Variants in HAPLN1 observed in about 807,000 individuals in gnomAD.
HAPLN1 encodes the protein Cartilage link protein.
A neutral mutation model predicts 36.5 loss-of-function variants in HAPLN1; 13 were observed. The observed-to-expected ratio is 0.36, with a 90% confidence interval of 0.23 to 0.57. The LOEUF is 0.57. HAPLN1 is among the 20% of genes least tolerant of loss of function. The pLI is 0.83. For synonymous variants in HAPLN1, 202 were observed against 169.8 expected (o/e 1.19, Z -1.48); for missense variants, 407 against 439.7 (o/e 0.93, Z 0.66).
At chr5:83,678,217 T>TCGGGTGTGTGTG (rs1750905164) in intron 1 of HAPLN1, among the ~76,000 whole-genome samples, 1 of 30,962 alleles carries the variant, frequency 3.2e-5, no homozygotes. Context: ...TATCTATAGT[T>TCGGGTGTGTGTG]TGGGTGTGTG....
chr5:83,664,463 A>G (rs775939887), intron 2 of HAPLN1, among the ~76,000 whole-genome samples: 1 of 151,616 alleles, frequency 6.6e-6, no homozygotes, highest in Non-Finnish European at 1.5e-5. Flanking sequence ...GCTCACTGCA[A>G]TCTCCTCCTC....
intron 1 of HAPLN1, among the ~76,000 whole-genome samples, chr5:83,709,197 A>G (rs1434961259): frequency 6.6e-6 from 1 of 152,218 alleles, no homozygotes; most frequent in Non-Finnish European, 1.5e-5. Context: ...ACTCACAGAG[A>G]TATCTGGAAT....
At chr5:83,676,653 G>A (rs979914708) in intron 1 of HAPLN1, among the ~76,000 whole-genome samples, 2 of 152,168 alleles carry the variant, frequency 1.3e-5, no homozygotes, top group Non-Finnish European at 2.9e-5. Context: ...TTTGCATTTT[G>A]TAATCATGCC....
chr5:83,648,521 A>G (rs1749951802), intron 3 of HAPLN1, among the ~76,000 whole-genome samples: 1 of 149,996 alleles, frequency 6.7e-6, no homozygotes, highest in South Asian at 2.1e-4. Flanking sequence ...AGCTTGTAAT[A>G]CAAATAGGAG....
At chr5:83,681,563 T>G (rs1170569234) in intron 1 of HAPLN1, among the ~76,000 whole-genome samples, 2 of 152,004 alleles carry the variant, frequency 1.3e-5, no homozygotes, top group Non-Finnish European at 2.9e-5. Flanking sequence ...AAGGCTGGAG[T>G]GCAGTGGTGA....
At chr5:83,709,112 C>T (rs1448761377) in intron 1 of HAPLN1, among the ~76,000 whole-genome samples, 1 of 152,108 alleles carries the variant, frequency 6.6e-6, no homozygotes, top group Non-Finnish European at 1.5e-5. Context: ...CTCCAGACCT[C>T]CCAAAGTGCT....
chr5:83,703,781 A>G (rs1751564141), intron 1 of HAPLN1, among the ~76,000 whole-genome samples: 1 of 152,108 alleles, frequency 6.6e-6, no homozygotes, highest in Non-Finnish European at 1.5e-5. Context: ...ATTTCAGGAT[A>G]TCATCCTAGA....
At chr5:83,704,014 C>T (rs1751571903) in intron 1 of HAPLN1, among the ~76,000 whole-genome samples, 2 of 151,308 alleles carry the variant, frequency 1.3e-5, no homozygotes, top group South Asian at 4.2e-4. Flanking sequence ...GGGCAGGTCA[C>T]CTAGAAAAGG....
chr5:83,693,233 A>G (rs1228775940), intron 1 of HAPLN1, among the ~76,000 whole-genome samples: 1 of 151,860 alleles, frequency 6.6e-6, no homozygotes, highest in Non-Finnish European at 1.5e-5. Context: ...TGCAGATATG[A>G]GCAGGACTAC....
intron 1 of HAPLN1, among the ~76,000 whole-genome samples, chr5:83,701,912 C>T (rs911426931): frequency 7.0e-6 from 1 of 142,816 alleles, no homozygotes; most frequent in African/African-American, 2.6e-5. Flanking sequence ...GGCGACAGAG[C>T]GAGACTTCGA....
intron 1 of HAPLN1, among the ~76,000 whole-genome samples, chr5:83,718,413 T>C (rs886176000): frequency 6.6e-6 from 1 of 152,184 alleles, no homozygotes; most frequent in Admixed American, 6.5e-5. Context: ...ACAGGGACCA[T>C]GCTTCACACA....
rs766950407 is a variant in HAPLN1 at position 83,652,719 on chromosome 5, G to A, written c.206C>T (p.Ala69Val). ...LPCKFYRDPTAFGSGIHKIRI... is the reference protein window; with the variant it reads ...LPCKFYRDPTVFGSGIHKIRI... ...GATTTTATGGATTCCTGAGCCAAAT[G>A]CTGTAGGGTCTCGATAAAATTTACA... The change falls in exon 3 of 5, where the codon GCA (alanine) becomes GTA (valine). Residue 69 changes from alanine (A) to valine (V), a missense_variant. By Grantham distance (64) the Ala-to-Val change is moderately conservative. Transcript: ENST00000274341. 1 of 1,614,070 alleles carries A rather than the reference G, an allele frequency of 6.2e-7. No homozygotes were observed. The highest frequency in any genetic ancestry group is 2.2e-5 in the East Asian group (1 of 44,872).
At chr5:83,720,041 A>G (rs1177643211) in intron 1 of HAPLN1, among the ~76,000 whole-genome samples, 2 of 152,240 alleles carry the variant, frequency 1.3e-5, no homozygotes, top group Admixed American at 6.5e-5. Context: ...CAACAGTCAC[A>G]TTCAATGGAA....
At chr5:83,660,071 C>T (rs1262935582) in intron 2 of HAPLN1, among the ~76,000 whole-genome samples, 3 of 152,094 alleles carry the variant, frequency 2.0e-5, no homozygotes, top group African/African-American at 7.2e-5. Context: ...TATCAATCTA[C>T]AGCTAAATTG....
chr5:83,701,106 A>T (rs1216866813), intron 1 of HAPLN1, among the ~76,000 whole-genome samples: 1 of 152,198 alleles, frequency 6.6e-6, no homozygotes, highest in Non-Finnish European at 1.5e-5. Context: ...CTGTATATGG[A>T]TTGTAAAGCT....
At chr5:83,684,077 G>C (rs571637544) in intron 1 of HAPLN1, among the ~76,000 whole-genome samples, 1 of 152,048 alleles carries the variant, frequency 6.6e-6, no homozygotes, top group African/African-American at 2.4e-5. Flanking sequence ...GAACATCTGC[G>C]AAGAGACCAG....
chr5:83,678,571 G>C (rs1454645725), intron 1 of HAPLN1, among the ~76,000 whole-genome samples: 2 of 152,138 alleles, frequency 1.3e-5, no homozygotes, highest in Non-Finnish European at 2.9e-5. Context: ...GATGATTTCA[G>C]CAGGACTGGC....
At chr5:83,714,847 G>T (rs1164769679) in intron 1 of HAPLN1, among the ~76,000 whole-genome samples, 1 of 152,232 alleles carries the variant, frequency 6.6e-6, no homozygotes, top group African/African-American at 2.4e-5. Context: ...TGTCATGAAG[G>T]GCTGAGGGGA....
intron 1 of HAPLN1, among the ~76,000 whole-genome samples, chr5:83,705,387 C>CAAAAAAAAAAAAAAAA (rs762927081): frequency 4.7e-5 from 4 of 85,418 alleles, no homozygotes; most frequent in Non-Finnish European, 6.5e-5. Context: ...TGAAACGTCA[C>CAAAAAAAAAAAAAAAA]AAAAAAAAAA....
Sources: gnomAD v4.1 joint callset for allele counts (sites outside exome capture counted in the v4.1 genomes callset) on GRCh38, gnomAD v4.1.1 for gene constraint, MANE v1.5 for transcripts, NCBI Gene and HGNC (gene_info 2026-07-23, HGNC 2026-07-21) for gene names.